The following PCDHA5 variants were observed in gnomAD, a reference collection of about 807,000 sequenced individuals.
PCDHA5 encodes protocadherin alpha 5, also known as protocadherin alpha-5.
PCDHA5 carries 43 observed loss-of-function variants against 61.6 expected under a neutral mutation model. That is an observed-to-expected ratio of 0.70 (90% CI 0.55 to 0.90). The LOEUF (loss-of-function observed/expected upper bound fraction) is 0.90, where lower values mean the gene tolerates loss of function less well. Ranked by LOEUF, PCDHA5 falls within the 40% of genes least tolerant of loss-of-function variation. The pLI, the probability that PCDHA5 is intolerant of heterozygous loss-of-function variation, is 0.00. For missense variants in PCDHA5, 1,298 were observed against 1,222.7 expected, an observed-to-expected ratio of 1.06 and a Z score of -0.92; for synonymous variants, 627 against 543.9, an observed-to-expected ratio of 1.15 and a Z score of -2.13.
chr5:140,877,668 C>A (rs782433528), intron 1 of PCDHA5: 58 of 1,613,452 alleles, frequency 3.6e-5, no homozygotes, highest in Admixed American at 5.0e-5. Flanking sequence ...TGAGCCGGTG[C>A]GCGCCGGGCA....
At chr5:140,991,847 G>A (rs1375292594) in intron 3 of PCDHA5, among the ~76,000 whole-genome samples, 1 of 152,162 alleles carries the variant, frequency 6.6e-6, no homozygotes, top group African/African-American at 2.4e-5. Flanking sequence ...CGCACTTCCA[G>A]ATACCAAAAT....
rs200121350 is a variant in PCDHA5 at position 140,876,941 on chromosome 5, T to C, written c.2352+52814T>C. The C allele has an allele frequency of 7.9e-5, 128 of 1,613,666 alleles. No individual in the cohort carries two copies. The Middle Eastern group carries it at 1.4e-3, about 17-fold the overall frequency. ...GCGGACGCGCAGAAGAACGCGCTGGTGTCCTACTCGCTGGTGGAGCGGCGG... is the reference window on the plus strand; with the variant it reads ...GCGGACGCGCAGAAGAACGCGCTGGCGTCCTACTCGCTGGTGGAGCGGCGG... On this transcript the variant is annotated intron_variant, in intron 1 of 3. Coordinates refer to ENST00000529859, the MANE Select transcript of PCDHA5 (RefSeq NM_018908.3).
intron 1 of PCDHA5, chr5:140,928,280 C>T (rs781831365): frequency 6.2e-7 from 1 of 1,614,076 alleles, no homozygotes; most frequent in African/African-American, 1.3e-5. Context: ...CCTGGGGCCT[C>T]TCTAGGCCGA....
rs2150373759 is a variant in PCDHA5 at position 140,844,778 on chromosome 5, T to C, written c.2352+20651T>C. On this transcript the variant is annotated intron_variant, in intron 1 of 3. Coordinates refer to ENST00000529859, the MANE Select transcript of PCDHA5 (RefSeq NM_018908.3). ...TTTGAAAAATCCAAGATACTTTATT[T>C]TGGTATCTTTCAACATTTTCTTTCT... Among the ~76,000 whole-genome samples the C allele has an allele frequency of 4.0e-5, 6 of 149,392 alleles. 1 individual carries two copies. Among genetic ancestry groups the C allele is most frequent in the African/African-American group, 1.5e-4 (6 of 40,816 alleles).
Position 140,882,483 on chromosome 5 carries a change from G to C in PCDHA5, c.2352+58356G>C. ...TTCCGGGTGGCGTCCAAAAGACACG[G>C]GGACCTTCTGGAGGTAAATCTGCAG... On this transcript the variant is annotated intron_variant, in intron 1 of 3. Coordinates refer to ENST00000529859, the MANE Select transcript of PCDHA5 (RefSeq NM_018908.3). 2 of 1,614,080 alleles carry C rather than the reference G, an allele frequency of 1.2e-6. No individual in the cohort carries two copies. Among genetic ancestry groups the C allele is most frequent in the Non-Finnish European group, 1.7e-6 (2 of 1,180,052 alleles).
chr5:140,840,473 G>A (rs1487904967), intron 1 of PCDHA5, among the ~76,000 whole-genome samples: 6 of 151,942 alleles, frequency 3.9e-5, no homozygotes, highest in Admixed American at 3.9e-4. Context: ...GGGGAAAAAA[G>A]TTTAAAGGCA....
intron 1 of PCDHA5, chr5:140,856,129 C>T: frequency 6.3e-7 from 1 of 1,598,096 alleles, no homozygotes; most frequent in Non-Finnish European, 8.6e-7. Flanking sequence ...AGGTGGGGAG[C>T]GGCCAGCTCC....
intron 1 of PCDHA5, chr5:140,968,839 T>C (rs1426943047): frequency 1.3e-5 from 21 of 1,614,052 alleles, no homozygotes; most frequent in Non-Finnish European, 1.7e-5. Flanking sequence ...TCCCTGACAC[T>C]CAGAGGCATG....
intron 1 of PCDHA5, 169 bp downstream of exon 1, chr5:140,824,296 G>T: frequency 4.5e-6 from 4 of 897,790 alleles, no homozygotes; most frequent in Non-Finnish European, 5.3e-6. Context: ...AGGCTTTTCT[G>T]CTGGGGTAAT....
At chr5:140,986,077 A>G (rs1335070462) in intron 3 of PCDHA5, among the ~76,000 whole-genome samples, 2 of 152,094 alleles carry the variant, frequency 1.3e-5, no homozygotes, top group Non-Finnish European at 2.9e-5. Flanking sequence ...GAAACTGTTC[A>G]TTTATTTTCA....
At chr5:140,921,616 A>C (rs1369093554) in intron 1 of PCDHA5, among the ~76,000 whole-genome samples, 1 of 152,222 alleles carries the variant, frequency 6.6e-6, no homozygotes, top group African/African-American at 2.4e-5. Flanking sequence ...GAAAAATATC[A>C]TCAGATCATC....
chr5:140,834,156 TA>T, intron 1 of PCDHA5: 1 of 537,442 alleles, frequency 1.9e-6, no homozygotes, highest in East Asian at 3.0e-5. Flanking sequence ...TAATGGTTTG[TA>T]ATTCTTACTT....
rs140846988 is a variant in PCDHA5 at position 140,828,361 on chromosome 5, C to A, written c.2352+4234C>A. The A allele has an allele frequency of 2.3e-4, 364 of 1,614,242 alleles. 1 individual carries two copies. In the African/African-American group the frequency reaches 3.9e-3, roughly 17 times the overall value. ...GCATTTTGTTTGTGAATTCTCGGATCGACCGCGAGGAGCTGTGCGGGCGGA... is the reference window on the plus strand; with the variant it reads ...GCATTTTGTTTGTGAATTCTCGGATAGACCGCGAGGAGCTGTGCGGGCGGA... On this transcript the variant is annotated intron_variant, in intron 1 of 3. Transcript: ENST00000529859.
Position 140,857,753 on chromosome 5 carries a change from G to C in PCDHA5, c.2352+33626G>C, listed in dbSNP as rs782054220. 1.3e-5 allele frequency: 20 copies of C among 1,597,296 alleles called. No individual in the cohort carries two copies. The East Asian group carries it at 4.5e-4, about 36-fold the overall frequency. On this transcript the variant is annotated intron_variant, in intron 1 of 3. Coordinates refer to ENST00000529859, the MANE Select transcript of PCDHA5 (RefSeq NM_018908.3). ...CGCTCCCGCGCTGCTGGCGTCTCCC[G>C]CTGGCAGCGCGGGCGGTGCAGTCAG... is the stretch of plus-strand genomic sequence containing the variant.
rs2096504149 is a variant in PCDHA5 at position 140,971,885 on chromosome 5, T to G, written c.2353-7064T>G. Among the ~76,000 whole-genome samples the G allele has an allele frequency of 2.0e-5, 3 of 152,134 alleles. No individual in the cohort carries two copies. In the South Asian group the frequency reaches 6.2e-4, roughly 31 times the overall value. ...ACATCTAGCATATGAGGAAATAAGC[T>G]CAGGGAGGTTAGGTAATCTACACAG... On this transcript the variant is annotated intron_variant, in intron 1 of 3. Coordinates refer to ENST00000529859, the MANE Select transcript of PCDHA5 (RefSeq NM_018908.3).
At chr5:140,870,885 C>T (rs782085408) in intron 1 of PCDHA5, 13 of 1,613,918 alleles carry the variant, frequency 8.1e-6, no homozygotes, top group African/African-American at 1.3e-5. Flanking sequence ...CGAAGGTGCG[C>T]GCAGTGGATG....
At chr5:140,926,873 C>T in intron 1 of PCDHA5, 1 of 1,525,502 alleles carries the variant, frequency 6.6e-7, no homozygotes, top group Non-Finnish European at 8.8e-7. Context: ...GTTGGTGGAA[C>T]GTGGACGCCT....
chr5:140,969,366 A>C (rs1554231734), intron 1 of PCDHA5: 1 of 1,609,828 alleles, frequency 6.2e-7, no homozygotes. Context: ...CTACAAACTC[A>C]TGCATTTGTT....
intron 1 of PCDHA5, chr5:140,857,412 C>A: frequency 1.3e-6 from 2 of 1,598,338 alleles, no homozygotes; most frequent in Non-Finnish European, 1.7e-6. Context: ...CCTGCGTTCG[C>A]GCAGTCCGAG....
Sources: allele counts gnomAD v4.1 joint callset (sites outside exome capture counted in the v4.1 genomes callset), GRCh38; gene constraint gnomAD v4.1.1; transcripts MANE v1.5; gene names NCBI Gene and HGNC (gene_info 2026-07-23, HGNC 2026-07-21).